Variants in ZBTB47 observed in about 807,000 individuals in gnomAD.
The protein encoded by ZBTB47 is zinc finger and BTB domain containing 47.
ZBTB47 carries 24 observed loss-of-function variants against 56.6 expected under a neutral mutation model. That is an observed-to-expected ratio of 0.42 (90% confidence interval 0.31 to 0.60). ZBTB47 has a LOEUF of 0.60. Ranked by LOEUF, ZBTB47 falls within the 20% of genes least tolerant of loss-of-function variation. The pLI, the probability that ZBTB47 is intolerant of heterozygous loss-of-function variation, is 0.14. For missense variants in ZBTB47, 829 were observed against 1,032.6 expected, an observed-to-expected ratio of 0.80 and a Z score of 2.70; for synonymous variants, 414 against 418.9, an observed-to-expected ratio of 0.99 and a Z score of 0.14.
intron 1 of ZBTB47, among the ~76,000 whole-genome samples, chr3:42,657,526 C>G (rs1402750041): frequency 6.6e-6 from 1 of 152,190 alleles, no homozygotes; most frequent in Non-Finnish European, 1.5e-5. Flanking sequence ...CAGCCTGGCC[C>G]AAGCCCTGGC....
Position 42,659,389 on chromosome 3 carries a change from C to G in ZBTB47, c.1034C>G (p.Ser345Cys). ...CCTAGTGAGCAGGATCAAGAGAGCT[C>G]TGAGGAGGAGGAGGGGGAGGAGGGG... ...EGPSEQDQES[S>C]EEEEGEEGEA... The change falls in exon 2 of 6, where the codon TCT becomes TGT. Residue 345 changes from serine (S) to cysteine (C), a missense_variant. Around this residue, in one of 6 missense-constraint regions of ZBTB47, gnomAD observed 359 missense variants for 359.8 expected, o/e 1.00. Coordinates refer to ENST00000232974, the MANE Select transcript of ZBTB47 (RefSeq NM_145166.4). 9.3e-7 allele frequency: 1 copy of G among 1,080,768 alleles called. No homozygotes were observed. Among genetic ancestry groups the G allele is most frequent in the Non-Finnish European group, 1.1e-6 (1 of 877,916 alleles). 66.9% of individuals were successfully genotyped at this position (1,080,768 alleles called of 1,614,324 possible).
rs967055486 is a variant in ZBTB47, at chr3:42,654,137, C to T, written c.-82+254C>T. 6.6e-6 allele frequency: 1 copy of T among 152,108 alleles called. No homozygotes were observed. The highest frequency in any genetic ancestry group is 2.4e-5 in the African/African-American group (1 of 41,390). The allele number at this position is 152,108 out of a possible 1,614,324, so 9.4% of individuals were successfully genotyped here. On this transcript the variant is annotated intron_variant, in intron 1 of 5. Coordinates refer to ENST00000232974, the MANE Select transcript of ZBTB47 (RefSeq NM_145166.4). The surrounding 1 kb of genome is among the most constrained non-coding windows in gnomAD (Gnocchi z 5.0). ...ATCCGGGGCCCGGCGCGCTCAGCTTCCTGATTTCACGGCAGCTTCCTATCC... is the reference window on the plus strand; with the variant it reads ...ATCCGGGGCCCGGCGCGCTCAGCTTTCTGATTTCACGGCAGCTTCCTATCC...
chr3:42,659,050 C>T lies in ZBTB47; in HGVS notation c.695C>T (p.Ser232Phe). The T allele has an allele frequency of 6.6e-7, 1 of 1,525,360 alleles. No homozygotes were observed. Among genetic ancestry groups the T allele is most frequent in the Non-Finnish European group, 8.8e-7 (1 of 1,141,304 alleles). The allele number at this position is 1,525,360 out of a possible 1,614,324, so 94.5% of individuals were successfully genotyped here. ...GGCACCTACAGCCGCAGGGAGCAAT[C>T]CCAGATCATCGTGGAGGTGAACCTC... ...GSGTYSRREQ[S>F]QIIVEVNLNN... The change falls in exon 2 of 6, where the codon TCC (serine) becomes TTC (phenylalanine). Residue 232 changes from serine to phenylalanine, a missense_variant. Ser to Phe is a radical substitution (Grantham distance 155, BLOSUM62 -2). Coordinates refer to ENST00000232974, the MANE Select transcript of ZBTB47 (RefSeq NM_145166.4).
chr3:42,658,730 C>T lies in ZBTB47; in HGVS notation c.375C>T (p.Ala125=), dbSNP rs568668199. The T allele has an allele frequency of 3.9e-4, 591 of 1,532,958 alleles. 7 individuals are homozygous for T. The South Asian group carries it at 6.6e-3, about 17-fold the overall frequency. 95.0% of individuals were successfully genotyped at this position (1,532,958 alleles called of 1,614,324 possible). The change falls in exon 2 of 6, where the codon GCC becomes GCT. Residue 125 remains alanine, a synonymous_variant. Transcript: ENST00000232974. ...CAGGTCCGGGCACTGTGGCCCTGGCCCAGCCGGCTGCCAGCTGCACTCCAG... is the reference window on the plus strand; with the variant it reads ...CAGGTCCGGGCACTGTGGCCCTGGCTCAGCCGGCTGCCAGCTGCACTCCAG... ...GPPGPGTVAL[A]QPAASCTPAA... is the part of the protein sequence containing the mutation.
In ZBTB47 at chr3:42,664,469, C is replaced by T. The variant is rs776325975; in HGVS notation, c.2115C>T (p.Pro705=). The T allele has an allele frequency of 6.5e-5, 99 of 1,515,538 alleles. No homozygotes were observed. The highest frequency in any genetic ancestry group is 2.0e-4 in the Admixed American group (10 of 49,558). 93.9% of individuals were successfully genotyped at this position (1,515,538 alleles called of 1,614,324 possible). A position where few individuals can be genotyped will look rare whatever the true frequency, so the allele number is the denominator to read the frequency against. The stretch of plus-strand genomic sequence containing the variant: ...CCCCAGGCCTGCCCCCAACCCAGCC[C>T]CAGGCGCACGCACTGCCCCTGCTCC... The part of the protein sequence containing the change: ...PAAPGLPPTQ[P]QAHALPLLPG... Residue 705 remains proline, a synonymous_variant, in exon 6 of 6, where the codon CCC becomes CCT. Transcript: ENST00000232974.
rs1163204027 is a variant in ZBTB47, at chr3:42,658,785, C to A, written c.430C>A (p.Gln144Lys). Residue 144 changes from glutamine to lysine, a missense_variant, in exon 2 of 6, where the codon CAG (glutamine) becomes AAG (lysine). Physicochemically the swap from Gln to Lys is moderately conservative, Grantham distance 53. Around this residue, in one of 6 missense-constraint regions of ZBTB47, gnomAD observed 120 missense variants for 200.2 expected, o/e 0.60. Coordinates refer to ENST00000232974, the MANE Select transcript of ZBTB47 (RefSeq NM_145166.4). ...GCCGCCCTACTACTGTGACATCAAG[C>A]AGGAGGCCGACACCCCAGGCCTGCC... The part of the protein sequence containing the change: ...AAPPYYCDIK[Q>K]EADTPGLPKI... 6.5e-7 allele frequency: 1 copy of A among 1,531,910 alleles called. No individual in the cohort carries two copies. Among genetic ancestry groups the A allele is most frequent in the Admixed American group, 2.0e-5 (1 of 50,614 alleles). 94.9% of individuals were successfully genotyped at this position (1,531,910 alleles called of 1,614,324 possible). A position where few individuals can be genotyped will look rare whatever the true frequency, so the allele number is the denominator to read the frequency against.
In ZBTB47 at chr3:42,659,417, G is replaced by C. The variant is rs1710684038; in HGVS notation, c.1062G>C (p.Glu354Asp). The C allele has an allele frequency of 7.1e-7, 1 of 1,404,826 alleles. No individual in the cohort carries two copies. Among genetic ancestry groups the C allele is most frequent in the South Asian group, 1.5e-5 (1 of 68,076 alleles). The allele number at this position is 1,404,826 out of a possible 1,614,324, so 87.0% of individuals were successfully genotyped here. A position where few individuals can be genotyped will look rare whatever the true frequency, so the allele number is the denominator to read the frequency against. The change falls in exon 2 of 6, where the codon GAG becomes GAC. Residue 354 changes from glutamate to aspartate, a missense_variant. Glu to Asp is a conservative substitution (Grantham distance 45, BLOSUM62 2). Coordinates refer to ENST00000232974, the MANE Select transcript of ZBTB47 (RefSeq NM_145166.4). ...SSEEEEGEEG[E>D]AGGKQGPRGS... Reference sequence around the variant, plus strand: ...AGGAGGAGGAGGGGGAGGAGGGGGAGGCTGGGGGCAAGCAGGGGCCACGGG... The same window carrying C: ...AGGAGGAGGAGGGGGAGGAGGGGGACGCTGGGGGCAAGCAGGGGCCACGGG...
At position 42,663,910 on chromosome 3, in the gene ZBTB47, G is replaced by A. The variant is rs1324719707; in HGVS notation, c.1851G>A (p.Gln617=). 10 of 1,613,296 alleles carry A rather than the reference G, an allele frequency of 6.2e-6. No homozygotes were observed. Among genetic ancestry groups the A allele is most frequent in the Non-Finnish European group, 7.6e-6 (9 of 1,179,696 alleles). The change falls in exon 5 of 6, where the codon CAG becomes CAA. Residue 617 remains glutamine (Q), a synonymous_variant. Coordinates refer to ENST00000232974, the MANE Select transcript of ZBTB47 (RefSeq NM_145166.4). The surrounding 1 kb of genome is among the most constrained non-coding windows in gnomAD (Gnocchi z 5.1). ...QWCGKDFNMK[Q]YFDEHMKTHT... ...GCGGCAAGGACTTCAACATGAAGCAGTACTTCGATGAGCACATGAAGACCC... is the reference window on the plus strand; with the variant it reads ...GCGGCAAGGACTTCAACATGAAGCAATACTTCGATGAGCACATGAAGACCC...
rs1710643295 is a variant in ZBTB47, at chr3:42,656,469, G to A, written c.-81-1806G>A. Among the ~76,000 whole-genome samples the A allele has an allele frequency of 6.6e-6, 1 of 152,140 alleles. No homozygotes were observed. The highest frequency in any genetic ancestry group is 6.5e-5 in the Admixed American group (1 of 15,282). ...TCAGAATGAGTCAGAGGAGGGAGAT[G>A]GGAGGGGCTTGGTGCCACGTCCCAG... On this transcript the variant is annotated intron_variant, in intron 1 of 5. Transcript: ENST00000232974. The surrounding 1 kb of genome is among the most constrained non-coding windows in gnomAD (Gnocchi z 5.8).
At chr3:42,661,731 G>A in intron 3 of ZBTB47, 99 bp downstream of exon 3, 1 of 1,475,028 alleles carries the variant, frequency 6.8e-7, no homozygotes, top group Non-Finnish European at 9.1e-7. Context: ...CAATGTGAAG[G>A]GGTGAGGAGG....
chr3:42,664,466 G>T lies in ZBTB47; in HGVS notation c.2112G>T (p.Gln704His). 6.6e-7 allele frequency: 1 copy of T among 1,514,142 alleles called. No homozygotes were observed. Among genetic ancestry groups the T allele is most frequent in the South Asian group, 1.2e-5 (1 of 80,788 alleles). The allele number at this position is 1,514,142 out of a possible 1,614,324, so 93.8% of individuals were successfully genotyped here. ...VPAAPGLPPT[Q>H]PQAHALPLLP... ...CTGCCCCAGGCCTGCCCCCAACCCAGCCCCAGGCGCACGCACTGCCCCTGC... is the reference window on the plus strand; with the variant it reads ...CTGCCCCAGGCCTGCCCCCAACCCATCCCCAGGCGCACGCACTGCCCCTGC... The change falls in exon 6 of 6, where the codon CAG (glutamine) becomes CAT (histidine). Residue 704 changes from glutamine (Q) to histidine (H), a missense_variant. Gln to His is a conservative substitution (Grantham distance 24). Transcript: ENST00000232974.
Position 42,663,148 on chromosome 3 carries a change from T to A in ZBTB47, c.1737+21T>A, listed in dbSNP as rs1225637626. On this transcript the variant is annotated intron_variant, in intron 4 of 5. Transcript: ENST00000232974. The surrounding 1 kb of genome is among the most constrained non-coding windows in gnomAD (Gnocchi z 5.1). ...GTGAGGTGAGCTTCCATCTCCTGCCTGGCCTGCCCGAGGGGTCACCTGGGA... is the reference window on the plus strand; with the variant it reads ...GTGAGGTGAGCTTCCATCTCCTGCCAGGCCTGCCCGAGGGGTCACCTGGGA... The A allele has an allele frequency of 1.9e-6, 3 of 1,587,332 alleles. No homozygotes were observed. The South Asian group carries it at 3.3e-5, about 18-fold the overall frequency.
intron 1 of ZBTB47, 112 bp downstream of exon 1, chr3:42,653,995 C>G (rs1710601545): frequency 6.6e-6 from 1 of 152,554 alleles, no homozygotes; most frequent in Non-Finnish European, 1.5e-5. Context: ...CAGACTCACC[C>G]CCAGGTCAGA....
intron 3 of ZBTB47, among the ~76,000 whole-genome samples, chr3:42,662,638 G>T (rs1024006141): frequency 6.6e-6 from 1 of 152,212 alleles, no homozygotes; most frequent in African/African-American, 2.4e-5. Context: ...GAGAGGAAGC[G>T]GAGGTCCAGA....
In ZBTB47 at chr3:42,659,470, C is replaced by A; in HGVS notation, c.1115C>A (p.Pro372His). 2 of 1,518,314 alleles carry A rather than the reference C, an allele frequency of 1.3e-6. No individual in the cohort carries two copies. The highest frequency in any genetic ancestry group is 1.8e-6 in the Non-Finnish European group (2 of 1,138,610). The allele number at this position is 1,518,314 out of a possible 1,614,324, so 94.1% of individuals were successfully genotyped here. ...AGCCGAAGCAGCCGGGCAGACCCCC[C>A]TCCCCACAGTCACATGGCCACACGG... ...RGSRSSRADPPPHSHMATRSR... is the reference protein window; with the variant it reads ...RGSRSSRADPHPHSHMATRSR... The change falls in exon 2 of 6, where the codon CCT becomes CAT. Residue 372 changes from proline (P) to histidine (H), a missense_variant. Around this residue, in one of 6 missense-constraint regions of ZBTB47, gnomAD observed 359 missense variants for 359.8 expected, o/e 1.00. Transcript: ENST00000232974.
In ZBTB47 at chr3:42,663,685, G is replaced by A; in HGVS notation, c.1738-112G>A. 2.9e-6 allele frequency: 4 copies of A among 1,382,176 alleles called. No individual in the cohort carries two copies. The highest frequency in any genetic ancestry group is 3.9e-6 in the Non-Finnish European group (4 of 1,017,550). The allele number at this position is 1,382,176 out of a possible 1,614,324, so 85.6% of individuals were successfully genotyped here. A position where few individuals can be genotyped will look rare whatever the true frequency, so the allele number is the denominator to read the frequency against. On this transcript the variant is annotated intron_variant, in intron 4 of 5. Transcript: ENST00000232974. This position sits in a 1 kb window ranked among gnomAD's most constrained non-coding sequence, Gnocchi z 5.1. ...CTCATGTCCCCATCTCCTTGCCCAG[G>A]AGCCCCTGAGTGTGTCCCTCCTTGG...
rs11706280 is a variant in ZBTB47, at chr3:42,666,301, C to T, written c.*1703C>T. Among the ~76,000 whole-genome samples the T allele has an allele frequency of 7.4e-3, 1,121 of 152,330 alleles. 5 individuals carry two copies. Among genetic ancestry groups the T allele is most frequent in the Non-Finnish European group, 0.011 (727 of 68,030 alleles). On this transcript the variant is annotated 3_prime_UTR_variant, in exon 6 of 6. Coordinates refer to ENST00000232974, the MANE Select transcript of ZBTB47 (RefSeq NM_145166.4). ...GGAGCTGTAGACGTACGCTCAGGCG[C>T]TCCTGCTGTCCTGGGGGAGAGAAGG...
In ZBTB47 at chr3:42,654,661, G is replaced by A; in HGVS notation, c.-82+778G>A. On this transcript the variant is annotated intron_variant, in intron 1 of 5. Transcript: ENST00000232974. This position sits in a 1 kb window ranked among gnomAD's most constrained non-coding sequence, Gnocchi z 5.0. Reference sequence around the variant, plus strand: ...GCCGCCGGGGGCAGCGCGATCCCGCGGGGCCCTGTGAGCCCCCAGCGCCAC... The same window carrying A: ...GCCGCCGGGGGCAGCGCGATCCCGCAGGGCCCTGTGAGCCCCCAGCGCCAC... 1.0e-6 allele frequency: 1 copy of A among 984,736 alleles called. No individual in the cohort carries two copies. The highest frequency in any genetic ancestry group is 1.2e-6 in the Non-Finnish European group (1 of 829,652). The allele number at this position is 984,736 out of a possible 1,614,324, so 61.0% of individuals were successfully genotyped here.
rs1421898536 is a variant in ZBTB47, at chr3:42,666,646, C to G, written c.*2048C>G. 1.3e-5 allele frequency among the ~76,000 whole-genome samples: 2 copies of G among 152,220 alleles called. No homozygotes were observed. The highest frequency in any genetic ancestry group is 2.4e-5 in the African/African-American group (1 of 41,472). ...CCACAGGCACTGGTGGTGTCATCAC[C>G]TGCTGGCCCCACTACAGCCTGAGTA... On this transcript the variant is annotated 3_prime_UTR_variant, in exon 6 of 6. Coordinates refer to ENST00000232974, the MANE Select transcript of ZBTB47 (RefSeq NM_145166.4).
Sources: allele counts gnomAD v4.1 joint callset (sites outside exome capture counted in the v4.1 genomes callset), GRCh38; gene constraint gnomAD v4.1.1; regional missense constraint gnomAD v4.1.1; non-coding constraint Gnocchi (gnomAD v3.1); transcripts MANE v1.5; gene names NCBI Gene and HGNC (gene_info 2026-07-23, HGNC 2026-07-21).